Variants in SLC38A4 observed in about 807,000 individuals in gnomAD.
SLC38A4 encodes solute carrier family 38 member 4, also known as sodium-coupled neutral amino acid transporter 4.
In SLC38A4, 20 loss-of-function variants were observed where a neutral mutation model predicts 63.1. That is an observed-to-expected ratio of 0.32 (90% CI 0.22 to 0.46). SLC38A4 has a LOEUF of 0.46. Among genes scored for constraint, SLC38A4 ranks in the 20% least tolerant of loss-of-function variants. The pLI, the probability that SLC38A4 is intolerant of heterozygous loss-of-function variation, is 1.00. For missense variants in SLC38A4, 526 were observed against 663.6 expected, an observed-to-expected ratio of 0.79 and a Z score of 2.28; for synonymous variants, 230 against 225.5, an observed-to-expected ratio of 1.02 and a Z score of -0.18.
intron 1 of SLC38A4, among the ~76,000 whole-genome samples, chr12:46,812,158 C>T (rs1053607908): frequency 6.6e-6 from 1 of 151,976 alleles, no homozygotes; most frequent in Non-Finnish European, 1.5e-5. Context: ...TTACAAGTAA[C>T]AGTTGAAAGA....
chr12:46,785,214 A>G (rs750005206), intron 5 of SLC38A4, 37 bp from the exon 6 acceptor site: 2 of 1,459,050 alleles, frequency 1.4e-6, no homozygotes, highest in Non-Finnish European at 1.9e-6. Context: ...TAAAGTTTCT[A>G]CAATAAATAA....
intron 5 of SLC38A4, among the ~76,000 whole-genome samples, chr12:46,785,634 G>A (rs906945363): frequency 6.6e-6 from 1 of 151,536 alleles, no homozygotes; most frequent in Non-Finnish European, 1.5e-5. Context: ...CATTACTGCT[G>A]ATCCTGTGCA....
intron 2 of SLC38A4, among the ~76,000 whole-genome samples, chr12:46,798,840 C>A (rs1253863760): frequency 1.3e-5 from 2 of 152,084 alleles, no homozygotes; most frequent in Non-Finnish European, 2.9e-5. Flanking sequence ...ATGGAGGCAC[C>A]AAGTTGAGTG....
At chr12:46,814,530 A>G (rs1939399823) in intron 1 of SLC38A4, among the ~76,000 whole-genome samples, 1 of 151,910 alleles carries the variant, frequency 6.6e-6, no homozygotes, top group East Asian at 1.9e-4. Context: ...AGACCCAAAG[A>G]TGTACCACGA....
At chr12:46,820,129 G>A (rs775671288) in intron 1 of SLC38A4, among the ~76,000 whole-genome samples, 8 of 151,850 alleles carry the variant, frequency 5.3e-5, no homozygotes, top group Non-Finnish European at 1.0e-4. Flanking sequence ...CATGGTCAAT[G>A]TAATAGATAT....
chr12:46,820,500 C>G (rs1263581534), intron 1 of SLC38A4, among the ~76,000 whole-genome samples: 1 of 151,966 alleles, frequency 6.6e-6, no homozygotes, highest in African/African-American at 2.4e-5. Flanking sequence ...TCACAAATAG[C>G]AGGATTTCTT....
chr12:46,813,485 T>G (rs1277077167), intron 1 of SLC38A4, among the ~76,000 whole-genome samples: 2 of 152,000 alleles, frequency 1.3e-5, no homozygotes, highest in African/African-American at 4.8e-5. Flanking sequence ...CAATCCCCAC[T>G]CTGCTGCCTA....
intron 10 of SLC38A4, among the ~76,000 whole-genome samples, chr12:46,779,006 A>C (rs1373322630): frequency 1.3e-5 from 2 of 151,864 alleles, no homozygotes; most frequent in African/African-American, 2.4e-5. Flanking sequence ...TTTTGCAAGA[A>C]TCCTTCCCAC....
chr12:46,802,927 G>C (rs1939162169), intron 2 of SLC38A4, among the ~76,000 whole-genome samples: 1 of 151,962 alleles, frequency 6.6e-6, no homozygotes, highest in Admixed American at 6.6e-5. Flanking sequence ...TCTACTTTTA[G>C]ATAATTGACT....
chr12:46,768,198 AT>A, intron 16 of SLC38A4, 111 bp downstream of exon 16: 2 of 748,546 alleles, frequency 2.7e-6, no homozygotes, highest in Non-Finnish European at 4.2e-6. Context: ...CCCAGTTTTG[AT>A]TTTTGGTTCT....
At position 46,785,738 on chromosome 12, in the gene SLC38A4, C is replaced by CT. The variant is rs11335369; in HGVS notation, c.327-562dup. Among the ~76,000 whole-genome samples, 100 of 66,908 alleles carry CT rather than the reference C, an allele frequency of 1.5e-3. 2 individuals are homozygous for CT. Among genetic ancestry groups the CT allele is most frequent in the African/African-American group, 3.1e-3 (58 of 18,918 alleles). 43.9% of individuals were successfully genotyped at this position (66,908 alleles called of 152,430 possible). ...AGCTAAGGATGGGGCACGAAAATTC[C>CT]TTTTTTTTTTTTTTTTTTTTTTTTG... is the stretch of plus-strand genomic sequence containing the variant. On this transcript the variant is annotated intron_variant, in intron 5 of 16. Transcript: ENST00000266579.
rs778219725 is a variant in SLC38A4, at chr12:46,778,580, G to C, written c.914C>G (p.Ser305Cys). ...AGLDENQAKGSLHDSGVEYEA... is the reference protein window; with the variant it reads ...AGLDENQAKGCLHDSGVEYEA... ...ATATTCTACTCCACTGTCATGAAGA[G>C]AGCCCTTGGCCTGGTTCTCATCCAG... The change falls in exon 11 of 17, where the codon TCT (serine) becomes TGT (cysteine). Residue 305 changes from serine to cysteine, a missense_variant. Coordinates refer to ENST00000266579, the MANE Select transcript of SLC38A4 (RefSeq NM_018018.5). The C allele has an allele frequency of 6.2e-6, 10 of 1,612,988 alleles. No homozygotes were observed. The South Asian group carries it at 1.1e-4, about 18-fold the overall frequency.
intron 1 of SLC38A4, among the ~76,000 whole-genome samples, chr12:46,831,350 G>T (rs1434350931): frequency 6.6e-6 from 1 of 152,122 alleles, no homozygotes; most frequent in Non-Finnish European, 1.5e-5. Flanking sequence ...TCCTTCATTC[G>T]CTCTTCTCTC....
Position 46,801,099 on chromosome 12 carries a change from C to T in SLC38A4, c.-113+2504G>A, listed in dbSNP as rs137953613. ...TTTCTAGCACAGCAGTGCTCAACTG[C>T]GTTGTTAATTCAATTGACTCTTCAT... On this transcript the variant is annotated intron_variant, in intron 2 of 16. Transcript: ENST00000266579. 3.3e-3 allele frequency among the ~76,000 whole-genome samples: 496 copies of T among 152,168 alleles called. 3 individuals are homozygous for T. The highest frequency in any genetic ancestry group is 0.011 in the African/African-American group (476 of 41,544).
At chr12:46,782,078 T>TA (rs1442439563) in intron 7 of SLC38A4, among the ~76,000 whole-genome samples, 5 of 152,038 alleles carry the variant, frequency 3.3e-5, no homozygotes, top group Non-Finnish European at 7.4e-5. Flanking sequence ...TCTTAACATA[T>TA]AAAAATTTTT....
At position 46,778,386 on chromosome 12, in the gene SLC38A4, C is replaced by A; in HGVS notation, c.994-18G>T. On this transcript the variant is annotated intron_variant, in intron 11 of 16. Coordinates refer to ENST00000266579, the MANE Select transcript of SLC38A4 (RefSeq NM_018018.5). ...TAGGCCGTCTGAAAAACAAAGACAA[C>A]ACCACGTGTTTAGCATTCCAACATA... 6.2e-7 allele frequency: 1 copy of A among 1,612,358 alleles called. No individual in the cohort carries two copies.
At chr12:46,814,784 T>C (rs910829019) in intron 1 of SLC38A4, among the ~76,000 whole-genome samples, 1 of 151,938 alleles carries the variant, frequency 6.6e-6, no homozygotes, top group African/African-American at 2.4e-5. Flanking sequence ...AACATGCTTG[T>C]CTTGGACAAG....
In SLC38A4 at chr12:46,803,639, A is replaced by G. The variant is rs1299901078; in HGVS notation, c.-149T>C. ...ATCCAGTCCTGTGCAGGCTTTCCTG[A>G]CTTGTTTGGAATGGCAGACCCGTGT... On this transcript the variant is annotated 5_prime_UTR_variant, in exon 2 of 17. Coordinates refer to ENST00000266579, the MANE Select transcript of SLC38A4 (RefSeq NM_018018.5). The G allele has an allele frequency of 6.6e-6, 1 of 151,970 alleles. No individual in the cohort carries two copies. The highest frequency in any genetic ancestry group is 1.5e-5 in the Non-Finnish European group (1 of 67,970). 9.4% of individuals were successfully genotyped at this position (151,970 alleles called of 1,614,324 possible). A position where few individuals can be genotyped will look rare whatever the true frequency, so the allele number is the denominator to read the frequency against.
chr12:46,816,999 A>G (rs1423562984), intron 1 of SLC38A4, among the ~76,000 whole-genome samples: 1 of 151,798 alleles, frequency 6.6e-6, no homozygotes, highest in Non-Finnish European at 1.5e-5. Context: ...TGAAAAGTCC[A>G]TGACCGGAAA....
Sources: gnomAD v4.1 joint callset for allele counts (sites outside exome capture counted in the v4.1 genomes callset) on GRCh38, gnomAD v4.1.1 for gene constraint, MANE v1.5 for transcripts, NCBI Gene and HGNC (gene_info 2026-07-23, HGNC 2026-07-21) for gene names.